Variants in CHST8 observed in about 807,000 individuals in gnomAD.
CHST8 encodes the protein carbohydrate sulfotransferase 8, also known as GALNAC-4-ST1.
CHST8 carries 10 observed loss-of-function variants against 15.0 expected under a neutral mutation model. The observed-to-expected ratio is 0.67, with a 90% CI of 0.41 to 1.13. CHST8 has a LOEUF of 1.13. Among genes scored for constraint, CHST8 ranks in the 50% most tolerant of loss-of-function variants. The probability of loss-of-function intolerance (pLI) is 0.00; values close to 1 mark genes in which losing one functional copy is unlikely to be tolerated. For missense variants in CHST8, 634 were observed against 608.2 expected, an observed-to-expected ratio of 1.04 and a Z score of -0.45; for synonymous variants, 259 against 256.6, an observed-to-expected ratio of 1.01 and a Z score of -0.09.
At chr19:33,708,509 G>T (rs1222164840) in intron 3 of CHST8, among the ~76,000 whole-genome samples, 2 of 152,110 alleles carry the variant, frequency 1.3e-5, no homozygotes, top group Non-Finnish European at 2.9e-5. Flanking sequence ...AATTGCCTTC[G>T]CACCTTGGTC....
At chr19:33,736,117 G>A (rs1974078930) in intron 3 of CHST8, among the ~76,000 whole-genome samples, 1 of 152,182 alleles carries the variant, frequency 6.6e-6, no homozygotes, top group African/African-American at 2.4e-5. Flanking sequence ...TCACTATGGT[G>A]TCATAGACCC....
intron 1 of CHST8, among the ~76,000 whole-genome samples, chr19:33,624,305 T>C (rs903352394): frequency 2.6e-5 from 4 of 152,136 alleles, no homozygotes; most frequent in Admixed American, 6.6e-5. Context: ...TTGGCTCCAG[T>C]TGGGAGAGGA....
At chr19:33,634,898 T>TG (rs1043009088) in intron 1 of CHST8, among the ~76,000 whole-genome samples, 21 of 152,152 alleles carry the variant, frequency 1.4e-4, no homozygotes, top group Non-Finnish European at 2.4e-4. Flanking sequence ...TCTCGCTCGC[T>TG]GGGGGGTGTC....
At chr19:33,760,825 A>C (rs775094751) in intron 3 of CHST8, among the ~76,000 whole-genome samples, 24 of 152,160 alleles carry the variant, frequency 1.6e-4, no homozygotes, top group Non-Finnish European at 2.9e-4. Flanking sequence ...AAAGTCCTCC[A>C]TGGCTGCCAT....
chr19:33,730,688 T>C (rs868203364), intron 3 of CHST8, among the ~76,000 whole-genome samples: 5 of 152,288 alleles, frequency 3.3e-5, no homozygotes, highest in Middle Eastern at 6.8e-3. Context: ...ATAAGATAGA[T>C]GTATGTATGA....
In CHST8 at chr19:33,750,250, A is replaced by C. The variant is rs559242417; in HGVS notation, c.131-21163A>C. On this transcript the variant is annotated intron_variant, in intron 3 of 4. Coordinates refer to ENST00000650847, the MANE Select transcript of CHST8 (RefSeq NM_001127895.2). ...AGGATGCACTTTTGGGCAGGGTCCT[A>C]TTACTTGAGTAGGGTCCTGGCTGAG... Among the ~76,000 whole-genome samples the C allele has an allele frequency of 3.9e-5, 6 of 152,292 alleles. No homozygotes were observed. In the South Asian group the frequency reaches 1.2e-3, roughly 32 times the overall value.
chr19:33,773,083 G>A lies in CHST8; in HGVS notation c.*20G>A, dbSNP rs1255448223. 6.4e-7 allele frequency: 1 copy of A among 1,569,314 alleles called. No individual in the cohort carries two copies. The highest frequency in any genetic ancestry group is 1.7e-5 in the Admixed American group (1 of 58,208). ...TACTGAGGGGCGCCGCAGCTGGCCGGGGCCGCCCTGCCCCGGTCACTCACC... is the reference window on the plus strand; with the variant it reads ...TACTGAGGGGCGCCGCAGCTGGCCGAGGCCGCCCTGCCCCGGTCACTCACC... On this transcript the variant is annotated 3_prime_UTR_variant, in exon 5 of 5. Coordinates refer to ENST00000650847, the MANE Select transcript of CHST8 (RefSeq NM_001127895.2).
At chr19:33,716,204 T>A (rs1156485759) in intron 3 of CHST8, among the ~76,000 whole-genome samples, 1 of 152,222 alleles carries the variant, frequency 6.6e-6, no homozygotes, top group Non-Finnish European at 1.5e-5. Context: ...ATATTTAAAC[T>A]GTTTGTAGTT....
At chr19:33,641,364 G>T (rs1010030957) in intron 1 of CHST8, among the ~76,000 whole-genome samples, 1 of 152,192 alleles carries the variant, frequency 6.6e-6, no homozygotes, top group African/African-American at 2.4e-5. Context: ...AGGACTGGGG[G>T]TGAGGCACTG....
Position 33,667,564 on chromosome 19 carries a change from T to C in CHST8, c.-163-203T>C, listed in dbSNP as rs142042915. Among the ~76,000 whole-genome samples, 10 of 152,290 alleles carry C rather than the reference T, an allele frequency of 6.6e-5. No individual in the cohort carries two copies. In the East Asian group the frequency reaches 1.9e-3, roughly 29 times the overall value. Reference sequence around the variant, plus strand: ...AACAAACGGTGCCAAATTGTTCTTGTCTGTTTTGCGAGATGATTCGTAACC... The same window carrying C: ...AACAAACGGTGCCAAATTGTTCTTGCCTGTTTTGCGAGATGATTCGTAACC... On this transcript the variant is annotated intron_variant, in intron 1 of 4. Coordinates refer to ENST00000650847, the MANE Select transcript of CHST8 (RefSeq NM_001127895.2).
At chr19:33,640,563 T>C (rs1972270591) in intron 1 of CHST8, among the ~76,000 whole-genome samples, 1 of 152,240 alleles carries the variant, frequency 6.6e-6, no homozygotes, top group African/African-American at 2.4e-5. Context: ...CTAAGGAATA[T>C]ATTACATTAT....
At chr19:33,722,547 T>C (rs1973819730) in intron 3 of CHST8, among the ~76,000 whole-genome samples, 1 of 152,212 alleles carries the variant, frequency 6.6e-6, no homozygotes, top group African/African-American at 2.4e-5. Context: ...CCAGCATTCC[T>C]GTGGTCTTGT....
At position 33,656,013 on chromosome 19, in the gene CHST8, A is replaced by T. The variant is rs137999546; in HGVS notation, c.-163-11754A>T. Among the ~76,000 whole-genome samples, 286 of 152,298 alleles carry T rather than the reference A, an allele frequency of 1.9e-3. 5 individuals are homozygous for T. The East Asian group carries it at 0.025, about 13-fold the overall frequency. On this transcript the variant is annotated intron_variant, in intron 1 of 4. Coordinates refer to ENST00000650847, the MANE Select transcript of CHST8 (RefSeq NM_001127895.2). ...TACGAATAAAACATTTAAACTGATG[A>T]CGCTTCCTCTGAGTACAGTTCTGGC...
At chr19:33,698,775 C>T (rs554425311) in intron 3 of CHST8, among the ~76,000 whole-genome samples, 8 of 152,168 alleles carry the variant, frequency 5.3e-5, no homozygotes, top group African/African-American at 7.2e-5. Context: ...GCTCCTCCAC[C>T]GAGGGGTGTC....
intron 3 of CHST8, among the ~76,000 whole-genome samples, chr19:33,748,727 G>A (rs1214755476): frequency 6.6e-6 from 1 of 152,182 alleles, no homozygotes; most frequent in Non-Finnish European, 1.5e-5. Context: ...TACAGATAGT[G>A]AAACTGAGGC....
intron 3 of CHST8, among the ~76,000 whole-genome samples, chr19:33,713,687 A>G (rs115307033): frequency 0.036 from 5,423 of 152,140 alleles, 335 homozygotes; most frequent in African/African-American, 0.12. Context: ...CTACCTCCTA[A>G]ATAGATAGGA....
intron 1 of CHST8, among the ~76,000 whole-genome samples, chr19:33,655,898 A>G (rs923352405): frequency 6.6e-6 from 1 of 152,156 alleles, no homozygotes; most frequent in African/African-American, 2.4e-5. Context: ...ACTTCCTCCT[A>G]TTTAATGACT....
intron 3 of CHST8, among the ~76,000 whole-genome samples, chr19:33,729,123 A>G (rs1400458302): frequency 6.6e-6 from 1 of 152,184 alleles, no homozygotes; most frequent in Non-Finnish European, 1.5e-5. Context: ...AGTAATCCCA[A>G]GACCTCCAGG....
rs551947986 is a variant in CHST8 at position 33,727,381 on chromosome 19, T to A, written c.130+37990T>A. 2.6e-5 allele frequency among the ~76,000 whole-genome samples: 4 copies of A among 152,084 alleles called. No individual in the cohort carries two copies. In the South Asian group the frequency reaches 6.2e-4, roughly 24 times the overall value. On this transcript the variant is annotated intron_variant, in intron 3 of 4. Transcript: ENST00000650847. Reference sequence around the variant, plus strand: ...AGGAGTCGCCGTATGTGTGAACCCGTGTCTGTGTGTGTAGAGTGTGTGCTC... The same window carrying A: ...AGGAGTCGCCGTATGTGTGAACCCGAGTCTGTGTGTGTAGAGTGTGTGCTC...
Sources: gnomAD v4.1 joint callset for allele counts (sites outside exome capture counted in the v4.1 genomes callset) on GRCh38, gnomAD v4.1.1 for gene constraint, MANE v1.5 for transcripts, NCBI Gene and HGNC (gene_info 2026-07-23, HGNC 2026-07-21) for gene names.